Variants in TMEM131 observed in about 807,000 individuals in gnomAD.
The protein encoded by TMEM131 is 2610524E03Rik.
A neutral mutation model predicts 211.6 loss-of-function variants in TMEM131; 66 were observed. The ratio of observed to expected loss-of-function variants is 0.31; its 90% CI spans 0.26 to 0.38. TMEM131 has a LOEUF of 0.38. Among genes scored for constraint, TMEM131 ranks in the 10% least tolerant of loss-of-function variants. TMEM131 has a pLI of 1.00. For missense variants in TMEM131, 2,036 were observed against 2,299.3 expected (o/e 0.89, Z 2.34); for synonymous variants, 844 against 841.3 (o/e 1.00, Z -0.06).
intron 1 of TMEM131, among the ~76,000 whole-genome samples, chr2:97,977,058 T>C (rs986787103): frequency 9.3e-5 from 14 of 150,556 alleles, no homozygotes; most frequent in Non-Finnish European, 1.9e-4. Flanking sequence ...CCTACCACTA[T>C]AAAACTTCCA....
intron 1 of TMEM131, among the ~76,000 whole-genome samples, chr2:97,956,168 G>T (rs1678557422): frequency 6.6e-6 from 1 of 152,154 alleles, no homozygotes; most frequent in Non-Finnish European, 1.5e-5. Context: ...CAGACTAATG[G>T]AATAGAACAG....
intron 1 of TMEM131, among the ~76,000 whole-genome samples, chr2:97,991,591 A>G (rs990026263): frequency 6.6e-6 from 1 of 152,204 alleles, no homozygotes; most frequent in Non-Finnish European, 1.5e-5. Context: ...GAAGACAACC[A>G]ACAGGCAATT....
intron 25 of TMEM131, among the ~76,000 whole-genome samples, chr2:97,797,878 T>G (rs140235253): frequency 6.6e-6 from 1 of 152,154 alleles, no homozygotes; most frequent in South Asian, 2.1e-4. Flanking sequence ...CTAGACACAT[T>G]AGCACAAAGC....
chr2:97,995,064 A>G (rs1411700457), intron 1 of TMEM131, among the ~76,000 whole-genome samples: 1 of 152,230 alleles, frequency 6.6e-6, no homozygotes, highest in Non-Finnish European at 1.5e-5. Flanking sequence ...TCAAAGTGAA[A>G]TTTTTTAAGC....
chr2:97,972,487 G>T (rs13019294), intron 1 of TMEM131, among the ~76,000 whole-genome samples: 1 of 149,714 alleles, frequency 6.7e-6, no homozygotes, highest in Non-Finnish European at 1.5e-5. Context: ...AGGGAGGGAA[G>T]GCGGGCAGGC....
At chr2:97,833,313 A>G in intron 11 of TMEM131, 52 bp downstream of exon 11, 1 of 868,198 alleles carries the variant, frequency 1.2e-6, no homozygotes, top group East Asian at 2.9e-5. Context: ...TTTGTCATAC[A>G]TTTAAAAACA....
At chr2:97,945,147 G>A (rs1391077857) in intron 1 of TMEM131, among the ~76,000 whole-genome samples, 3 of 152,130 alleles carry the variant, frequency 2.0e-5, no homozygotes, top group Admixed American at 6.5e-5. Context: ...AAAAAGGAAT[G>A]AAGTACTGAC....
chr2:97,856,156 A>G (rs1673837264), intron 5 of TMEM131, among the ~76,000 whole-genome samples: 1 of 152,196 alleles, frequency 6.6e-6, no homozygotes, highest in African/African-American at 2.4e-5. Flanking sequence ...ATAGAATATT[A>G]TTATAAAATT....
intron 4 of TMEM131, among the ~76,000 whole-genome samples, chr2:97,870,138 T>A (rs1674432750): frequency 1.3e-5 from 2 of 152,296 alleles, no homozygotes; most frequent in South Asian, 4.1e-4. Context: ...GTGGATTAGG[T>A]CAGGCTCACC....
At chr2:97,949,611 G>A (rs1379101992) in intron 1 of TMEM131, among the ~76,000 whole-genome samples, 1 of 151,712 alleles carries the variant, frequency 6.6e-6, no homozygotes, top group Non-Finnish European at 1.5e-5. Context: ...TCAGGAGATC[G>A]AGCCATCCTG....
intron 31 of TMEM131, among the ~76,000 whole-genome samples, chr2:97,787,112 A>G (rs1680289255): frequency 6.6e-6 from 1 of 152,100 alleles, no homozygotes; most frequent in Non-Finnish European, 1.5e-5. Context: ...TATATGTGCT[A>G]TGATAATTTA....
chr2:97,809,232 T>C (rs753443675), intron 19 of TMEM131, among the ~76,000 whole-genome samples: 5 of 152,202 alleles, frequency 3.3e-5, no homozygotes, highest in Non-Finnish European at 5.9e-5. Context: ...AAAACTTTTC[T>C]CAATTCTTGC....
intron 1 of TMEM131, among the ~76,000 whole-genome samples, chr2:97,994,801 C>A (rs1377604051): frequency 6.6e-6 from 1 of 152,160 alleles, no homozygotes; most frequent in African/African-American, 2.4e-5. Flanking sequence ...GGGGCCAGCC[C>A]TTAACTGTAA....
rs771931689 is a variant in TMEM131 at position 97,995,540 on chromosome 2, G to A, written c.123C>T (p.Gly41=). ...RSGGPRSAAA[G]LLGALHLVMT... Reference sequence around the variant, plus strand: ...TCACCAGGTGCAGCGCGCCTAGGAGGCCGGCGGCCGCGCTCCGCGGGCCCC... The same window carrying A: ...TCACCAGGTGCAGCGCGCCTAGGAGACCGGCGGCCGCGCTCCGCGGGCCCC... Residue 41 remains glycine, a synonymous_variant, in exon 1 of 41, where the codon GGC becomes GGT. Transcript: ENST00000186436. The A allele has an allele frequency of 6.7e-6, 9 of 1,343,648 alleles. No homozygotes were observed. In the South Asian group the frequency reaches 1.5e-4, roughly 22 times the overall value. 83.2% of individuals were successfully genotyped at this position (1,343,648 alleles called of 1,614,324 possible).
chr2:97,908,247 C>T (rs974360780), intron 3 of TMEM131, among the ~76,000 whole-genome samples: 11 of 152,168 alleles, frequency 7.2e-5, no homozygotes, highest in African/African-American at 2.2e-4. Flanking sequence ...AAAGCGGTCT[C>T]TCCAAGTCAC....
intron 1 of TMEM131, among the ~76,000 whole-genome samples, chr2:97,990,449 T>C (rs1680213394): frequency 1.3e-5 from 2 of 152,180 alleles, no homozygotes; most frequent in Admixed American, 1.3e-4. Flanking sequence ...GGTTACATAG[T>C]TTGGCTCAAG....
chr2:97,785,792 A>G (rs985566412), intron 31 of TMEM131, among the ~76,000 whole-genome samples: 6 of 152,236 alleles, frequency 3.9e-5, no homozygotes, highest in Admixed American at 3.9e-4. Context: ...GCAAATGACT[A>G]AAAAACCTAC....
rs1171608102 is a variant in TMEM131 at position 97,756,818 on chromosome 2, C to T, written c.*281G>A. On this transcript the variant is annotated 3_prime_UTR_variant, in exon 41 of 41. Coordinates refer to ENST00000186436, the MANE Select transcript of TMEM131 (RefSeq NM_015348.2). ...GCATGGGGAAGACAGGTGGTGAAAA[C>T]GCAGTAACGGGAAAGGTTCTCAGAT... 7.5e-6 allele frequency: 2 copies of T among 265,336 alleles called. No homozygotes were observed. The highest frequency in any genetic ancestry group is 1.4e-5 in the Non-Finnish European group (2 of 142,622). 16.4% of individuals were successfully genotyped at this position (265,336 alleles called of 1,614,324 possible). A position where few individuals can be genotyped will look rare whatever the true frequency, so the allele number is the denominator to read the frequency against.
chr2:97,811,170 C>T lies in TMEM131; in HGVS notation c.1926G>A (p.Glu642=), dbSNP rs61729688. 0.022 allele frequency: 35,456 copies of T among 1,613,606 alleles called. 524 individuals are homozygous for T. Among genetic ancestry groups the T allele is most frequent in the African/African-American group, 0.055 (4,141 of 74,992 alleles). ...TCTGGATGGCTCCATCATGAATCCC[C>T]TCTAATTTTTTTGCAGTAAGTTTGA... ...FRVKLTAKKL[E]GIHDGAIQIT... The change falls in exon 18 of 41, where the codon GAG becomes GAA. Residue 642 remains glutamate, a synonymous_variant. Coordinates refer to ENST00000186436, the MANE Select transcript of TMEM131 (RefSeq NM_015348.2).
Sources: gnomAD v4.1 joint callset for allele counts (sites outside exome capture counted in the v4.1 genomes callset) on GRCh38, gnomAD v4.1.1 for gene constraint, MANE v1.5 for transcripts, NCBI Gene and HGNC (gene_info 2026-07-23, HGNC 2026-07-21) for gene names.